Variants in OSER1 observed in about 807,000 individuals in gnomAD.
OSER1 encodes oxidative stress-responsive serine-rich protein 1.
Under a neutral mutation model 26.3 loss-of-function variants are expected in OSER1, and 15 were observed. The observed-to-expected ratio is 0.57, with a 90% CI of 0.38 to 0.88. OSER1 has a LOEUF of 0.88. OSER1 is among the 40% of genes least tolerant of loss of function. The pLI, the probability that OSER1 is intolerant of heterozygous loss-of-function variation, is 0.00. For missense variants in OSER1, 313 were observed against 353.9 expected (o/e 0.88, Z 0.93); for synonymous variants, 127 against 128.2 (o/e 0.99, Z 0.07).
rs746685542 is a variant in OSER1 at position 44,197,373 on chromosome 20, T to C, written c.558A>G (p.Gln186=). The C allele has an allele frequency of 1.3e-5, 21 of 1,614,086 alleles. No homozygotes were observed. The highest frequency in any genetic ancestry group is 6.7e-5 in the East Asian group (3 of 44,890). The stretch of plus-strand genomic sequence containing the variant: ...TGCCCTGGTTTAGCTTGGAAACTGA[T>C]TGAAAGTCAGAGAGATCACTGGCTT... ...SLKASDLSDF[Q]SVSKLNQGKP... is the part of the protein sequence containing the mutation. The change falls in exon 4 of 4, where the codon CAA becomes CAG. Residue 186 remains glutamine (Q), a synonymous_variant. Transcript: ENST00000255174.
intron 1 of OSER1, among the ~76,000 whole-genome samples, chr20:44,209,614 A>C (rs1348609707): frequency 6.9e-6 from 1 of 145,630 alleles, no homozygotes; most frequent in African/African-American, 2.7e-5. Context: ...TCGAAGTTAA[A>C]GTCAAATCAC....
chr20:44,203,187 G>T, intron 2 of OSER1, 113 bp from the exon 3 acceptor site: 1 of 560,160 alleles, frequency 1.8e-6, no homozygotes, highest in South Asian at 2.4e-5. Flanking sequence ...TCTAGTTTGG[G>T]TTTCTCAAAA....
At chr20:44,206,350 T>C (rs944424357) in intron 2 of OSER1, among the ~76,000 whole-genome samples, 4 of 152,226 alleles carry the variant, frequency 2.6e-5, no homozygotes, top group East Asian at 1.9e-4. Context: ...GGTGAAATAC[T>C]AACATTCAGA....
upstream of OSER1, chr20:44,210,886 G>C (rs954956086): frequency 6.6e-6 from 1 of 151,550 alleles, no homozygotes; most frequent in Non-Finnish European, 1.5e-5. Flanking sequence ...CCAGTGACTC[G>C]GCAGCGCGGC....
At chr20:44,202,895 T>C in intron 3 of OSER1, 66 bp downstream of exon 3, 1 of 899,242 alleles carries the variant, frequency 1.1e-6, no homozygotes, top group South Asian at 1.4e-5. Context: ...TTCTGGACAC[T>C]CAGAAAGGAA....
chr20:44,207,146 A>G, intron 1 of OSER1, 148 bp from the exon 2 acceptor site: 1 of 498,724 alleles, frequency 2.0e-6, no homozygotes, highest in Non-Finnish European at 3.6e-6. Flanking sequence ...TTTATTTCTT[A>G]AAGGGAAACA....
At chr20:44,200,698 T>C (rs2072972617) in intron 3 of OSER1, among the ~76,000 whole-genome samples, 1 of 152,136 alleles carries the variant, frequency 6.6e-6, no homozygotes, top group Admixed American at 6.5e-5. Context: ...TCTGAATTGA[T>C]AAGAGAATCT....
At chr20:44,211,397 T>G (rs2073108312), upstream of OSER1, 1 of 152,208 alleles carries the variant, frequency 6.6e-6, no homozygotes, top group African/African-American at 2.4e-5. Flanking sequence ...AAGCCAGAAT[T>G]AGAATTGAAT....
intron 3 of OSER1, among the ~76,000 whole-genome samples, chr20:44,199,867 T>G (rs1029435187): frequency 1.3e-5 from 2 of 152,334 alleles, no homozygotes; most frequent in East Asian, 3.9e-4. Flanking sequence ...ACATATCCCC[T>G]ATGGATAAGA....
chr20:44,205,288 A>G (rs2073026882), intron 2 of OSER1, among the ~76,000 whole-genome samples: 1 of 152,236 alleles, frequency 6.6e-6, no homozygotes, highest in Non-Finnish European at 1.5e-5. Context: ...TTATTCCTAT[A>G]TAAGAAATCA....
In OSER1 at chr20:44,197,242, C is replaced by T. The variant is rs1391118304; in HGVS notation, c.689G>A (p.Arg230Gln). ...AGAGTAGTCCTCAAGTGTGGATCTT[C>T]GTTCTGGAGCCAAGGGAGGGACACT... ...LQSVPPLAPERRSTLEDYSQS... is the reference protein window; with the variant it reads ...LQSVPPLAPEQRSTLEDYSQS... Residue 230 changes from arginine (R) to glutamine (Q), a missense_variant, in exon 4 of 4, where the codon CGA becomes CAA. Physicochemically the swap from Arg to Gln is conservative, Grantham distance 43. Coordinates refer to ENST00000255174, the MANE Select transcript of OSER1 (RefSeq NM_016470.8). 1.1e-5 allele frequency: 18 copies of T among 1,613,400 alleles called. No homozygotes were observed. Among genetic ancestry groups the T allele is most frequent in the South Asian group, 2.2e-5 (2 of 91,014 alleles).
intron 1 of OSER1, among the ~76,000 whole-genome samples, chr20:44,208,182 C>G (rs1600498861): frequency 7.1e-6 from 1 of 141,280 alleles, no homozygotes; most frequent in East Asian, 2.3e-4. Flanking sequence ...TGGGTCCTCT[C>G]TGATTCATAT....
chr20:44,210,780 T>G (rs1255215209), upstream of OSER1: 1 of 152,462 alleles, frequency 6.6e-6, no homozygotes, highest in Admixed American at 6.5e-5. Flanking sequence ...CTGACCCGGA[T>G]CCAAACCAGC....
At chr20:44,199,777 A>G (rs1282648801) in intron 3 of OSER1, among the ~76,000 whole-genome samples, 1 of 152,238 alleles carries the variant, frequency 6.6e-6, no homozygotes, top group Non-Finnish European at 1.5e-5. Context: ...GGTGGAAGAC[A>G]TGAACAAAAA....
intron 3 of OSER1, among the ~76,000 whole-genome samples, chr20:44,200,479 T>G (rs2072969765): frequency 6.6e-6 from 1 of 152,198 alleles, no homozygotes; most frequent in African/African-American, 2.4e-5. Flanking sequence ...AATTTTTGCT[T>G]CTTGGCCTCC....
chr20:44,202,351 T>C (rs1248304564), intron 3 of OSER1, among the ~76,000 whole-genome samples: 2 of 151,778 alleles, frequency 1.3e-5, no homozygotes, highest in Non-Finnish European at 2.9e-5. Context: ...CTCCAGTCTG[T>C]GTGACAGAGC....
rs768925628 is a variant in OSER1 at position 44,203,044 on chromosome 20, GC to G, written c.107del (p.Gly36AlafsTer39). ...GSVASLSVGE[G>X]TGVRAPVRTA... ...TTCTGACTGGTGCTCTGACACCTGT[GC>G]CTTCTCCAACAGACAGAGATGCTAC... On this transcript the variant is annotated frameshift_variant, in exon 3 of 4. Transcript: ENST00000255174. LOFTEE classifies it high-confidence loss of function. 6.2e-7 allele frequency: 1 copy of G among 1,611,128 alleles called. No homozygotes were observed. The highest frequency in any genetic ancestry group is 1.3e-5 in the African/African-American group (1 of 74,870).
intron 2 of OSER1, 23 bp from the exon 3 acceptor site, chr20:44,203,097 C>T (rs1447099378): frequency 3.1e-6 from 4 of 1,309,868 alleles, no homozygotes; most frequent in African/African-American, 2.9e-5. Flanking sequence ...ACAAAGTTTA[C>T]AGCTACAAAA....
At chr20:44,208,817 C>A (rs2073066204) in intron 1 of OSER1, among the ~76,000 whole-genome samples, 1 of 152,222 alleles carries the variant, frequency 6.6e-6, no homozygotes. Context: ...GTTCATAAAT[C>A]ATCTGAGCCA....
Sources: allele counts gnomAD v4.1 joint callset (sites outside exome capture counted in the v4.1 genomes callset), GRCh38; gene constraint gnomAD v4.1.1; transcripts MANE v1.5; gene names NCBI Gene and HGNC (gene_info 2026-07-23, HGNC 2026-07-21).